The following LUZP2 variants were observed in gnomAD, a reference collection of about 807,000 sequenced individuals.
The protein encoded by LUZP2 is leucine zipper protein 2.
Under a neutral mutation model 51.6 loss-of-function variants are expected in LUZP2, and 52 were observed. The ratio of observed to expected loss-of-function variants is 1.01; its 90% CI spans 0.81 to 1.27. LUZP2 has a LOEUF of 1.27. Ranked by LOEUF, LUZP2 falls within the 50% of genes most tolerant of loss-of-function variation. The pLI, the probability that LUZP2 is intolerant of heterozygous loss-of-function variation, is 0.00. For synonymous variants in LUZP2, 154 were observed against 137.3 expected (o/e 1.12, Z -0.85); for missense variants, 436 against 395.4 (o/e 1.10, Z -0.87).
At chr11:24,983,411 T>C in intron 9 of LUZP2, 118 bp downstream of exon 9, 2 of 1,071,886 alleles carry the variant, frequency 1.9e-6, no homozygotes, top group Non-Finnish European at 2.6e-6. Context: ...ATTGAAAGAT[T>C]AGGAGGAAAA....
intron 4 of LUZP2, among the ~76,000 whole-genome samples, chr11:24,741,946 CATTT>C (rs1859176422): frequency 1.1e-5 from 1 of 94,168 alleles, no homozygotes; most frequent in East Asian, 2.4e-4. Context: ...TAAATATATA[CATTT>C]ATATATTATA....
intron 5 of LUZP2, among the ~76,000 whole-genome samples, chr11:24,796,330 C>G (rs1484213084): frequency 6.6e-6 from 1 of 152,116 alleles, no homozygotes; most frequent in Non-Finnish European, 1.5e-5. Flanking sequence ...CCTCTATTCT[C>G]TGCCACTCTT....
At chr11:24,556,470 T>C (rs1288107786) in intron 1 of LUZP2, among the ~76,000 whole-genome samples, 2 of 152,048 alleles carry the variant, frequency 1.3e-5, no homozygotes, top group African/African-American at 4.8e-5. Context: ...AATAACATTA[T>C]AGAGATTTAG....
intron 1 of LUZP2, among the ~76,000 whole-genome samples, chr11:24,549,967 C>A (rs75624426): frequency 6.6e-5 from 10 of 151,988 alleles, no homozygotes; most frequent in Admixed American, 5.9e-4. Flanking sequence ...TAGAAAAAGA[C>A]TTGTTAGTAC....
At chr11:24,538,605 AT>A (rs1312064495) in intron 1 of LUZP2, among the ~76,000 whole-genome samples, 1 of 151,444 alleles carries the variant, frequency 6.6e-6, no homozygotes, top group Non-Finnish European at 1.5e-5. Flanking sequence ...CTACAAAACT[AT>A]TCTACAAAAT....
chr11:25,049,254 C>T (rs1354424463), intron 9 of LUZP2, among the ~76,000 whole-genome samples: 3 of 152,112 alleles, frequency 2.0e-5, no homozygotes, highest in Non-Finnish European at 4.4e-5. Flanking sequence ...TTAGCATTTA[C>T]TAGTTTATTT....
At chr11:24,654,950 C>T (rs1855757082) in intron 1 of LUZP2, among the ~76,000 whole-genome samples, 1 of 151,594 alleles carries the variant, frequency 6.6e-6, no homozygotes, top group South Asian at 2.1e-4. Context: ...TGTTTGGATA[C>T]TTAGACTAAG....
At chr11:24,547,316 T>A (rs1851585366) in intron 1 of LUZP2, among the ~76,000 whole-genome samples, 1 of 152,024 alleles carries the variant, frequency 6.6e-6, no homozygotes, top group Non-Finnish European at 1.5e-5. Context: ...GACTTCAAAC[T>A]GTACTACAAG....
intron 1 of LUZP2, among the ~76,000 whole-genome samples, chr11:24,665,932 T>G (rs532519081): frequency 5.9e-5 from 9 of 152,306 alleles, no homozygotes; most frequent in African/African-American, 1.9e-4. Flanking sequence ...TTTCCATTTT[T>G]TTTACTACTA....
At chr11:25,049,959 G>A (rs927478361) in intron 9 of LUZP2, 79 bp from the exon 10 acceptor site, 3 of 706,442 alleles carry the variant, frequency 4.2e-6, no homozygotes, top group Non-Finnish European at 6.6e-6. Context: ...ACAATAAAAC[G>A]ATTTGGATCT....
chr11:24,659,529 C>T (rs1328514287), intron 1 of LUZP2, among the ~76,000 whole-genome samples: 2 of 151,728 alleles, frequency 1.3e-5, no homozygotes, highest in African/African-American at 4.8e-5. Context: ...ATGTAACAAA[C>T]CTGCATGTTG....
intron 1 of LUZP2, among the ~76,000 whole-genome samples, chr11:24,574,508 A>C (rs951257477): frequency 1.3e-5 from 2 of 151,858 alleles, no homozygotes; most frequent in African/African-American, 4.8e-5. Flanking sequence ...AAAATCAATA[A>C]TGCTAATAAT....
intron 1 of LUZP2, among the ~76,000 whole-genome samples, chr11:24,642,614 T>C (rs1260912176): frequency 6.6e-6 from 1 of 151,830 alleles, no homozygotes. Flanking sequence ...GTTTATTTGG[T>C]TGACACAGTG....
intron 5 of LUZP2, among the ~76,000 whole-genome samples, chr11:24,904,404 T>C (rs1339497136): frequency 1.3e-5 from 2 of 152,036 alleles, no homozygotes; most frequent in African/African-American, 4.8e-5. Context: ...TGCCTCAGCC[T>C]CCCGAGTAGC....
chr11:24,687,697 A>G (rs1215525189), intron 1 of LUZP2, among the ~76,000 whole-genome samples: 1 of 152,038 alleles, frequency 6.6e-6, no homozygotes, highest in Non-Finnish European at 1.5e-5. Flanking sequence ...TCCCCACTCT[A>G]TTTCCTGGCA....
rs913084999 is a variant in LUZP2, at chr11:24,838,538, C to T, written c.397-67453C>T. ...TCTTGCAAAAACCTCATATATTGTA[C>T]GCCGTGGGAGTAATAACGTAGCATT... On this transcript the variant is annotated intron_variant, in intron 5 of 11. Coordinates refer to ENST00000336930, the MANE Select transcript of LUZP2 (RefSeq NM_001009909.4). 4.6e-5 allele frequency among the ~76,000 whole-genome samples: 7 copies of T among 151,708 alleles called. No homozygotes were observed. In the South Asian group the frequency reaches 6.2e-4, roughly 13 times the overall value.
chr11:24,663,081 A>T (rs1856075545), intron 1 of LUZP2, among the ~76,000 whole-genome samples: 1 of 152,164 alleles, frequency 6.6e-6, no homozygotes, highest in Admixed American at 6.6e-5. Flanking sequence ...GATGTATTTT[A>T]TCTAGCCATC....
chr11:24,766,276 G>A (rs1324086337), intron 5 of LUZP2, among the ~76,000 whole-genome samples: 8 of 152,102 alleles, frequency 5.3e-5, no homozygotes, highest in East Asian at 1.9e-4. Flanking sequence ...GCAACAATGT[G>A]TATTTCCTTG....
At chr11:24,765,351 GGAA>G (rs1430419817) in intron 5 of LUZP2, among the ~76,000 whole-genome samples, 8 of 152,124 alleles carry the variant, frequency 5.3e-5, no homozygotes, top group Admixed American at 3.3e-4. Context: ...ATAAATTTCT[GGAA>G]GAAGTTTGAA....
Sources: allele counts gnomAD v4.1 joint callset (sites outside exome capture counted in the v4.1 genomes callset), GRCh38; gene constraint gnomAD v4.1.1; transcripts MANE v1.5; gene names NCBI Gene and HGNC (gene_info 2026-07-23, HGNC 2026-07-21).